Variants in PRPF6 observed in about 807,000 individuals in gnomAD.
PRPF6 encodes the protein pre-mRNA-processing factor 6.
PRPF6 carries 42 observed loss-of-function variants against 118.3 expected under a neutral mutation model. That is an observed-to-expected ratio of 0.35 (90% CI 0.28 to 0.46). The LOEUF (loss-of-function observed/expected upper bound fraction) is 0.46, where lower values mean the gene tolerates loss of function less well. Ranked by LOEUF, PRPF6 falls within the 20% of genes least tolerant of loss-of-function variation. The pLI is 1.00. For synonymous variants in PRPF6, 481 were observed against 485.1 expected, an observed-to-expected ratio of 0.99 and a Z score of 0.11; for missense variants, 662 against 1,255.7, an observed-to-expected ratio of 0.53 and a Z score of 7.15.
chr20:63,995,175 T>C (rs983724301), intron 5 of PRPF6, 83 bp downstream of exon 5: 41 of 1,601,854 alleles, frequency 2.6e-5, no homozygotes, highest in Middle Eastern at 3.3e-4. Flanking sequence ...TTGGATTCAA[T>C]GCTTCTGCAG....
chr20:63,993,226 ATGTGTGTGTGTGTGTGTG>A (rs61077852), intron 3 of PRPF6, among the ~76,000 whole-genome samples, 163 bp from the exon 4 acceptor site: 1 of 129,298 alleles, frequency 7.7e-6, no homozygotes, highest in Non-Finnish European at 1.6e-5. Flanking sequence ...AAAAAAAAAA[ATGTGTGTGTGTGTGTGTG>A]TGTGTGTGTG....
chr20:63,993,502 G>A lies in PRPF6; in HGVS notation c.438+17G>A, dbSNP rs1601512943. 1.3e-6 allele frequency: 2 copies of A among 1,598,634 alleles called. No individual in the cohort carries two copies. Among genetic ancestry groups the A allele is most frequent in the East Asian group, 4.5e-5 (2 of 44,716 alleles). On this transcript the variant is annotated intron_variant, in intron 4 of 20. Coordinates refer to ENST00000266079, the MANE Select transcript of PRPF6 (RefSeq NM_012469.4). Reference sequence around the variant, plus strand: ...GACCTCAAGGTGAGCCGATGAAGCGGTGAATGGTGTGCGGTTTCTAACGCT... The same window carrying A: ...GACCTCAAGGTGAGCCGATGAAGCGATGAATGGTGTGCGGTTTCTAACGCT...
rs1339967897 is a variant in PRPF6, at chr20:64,026,053, G to A, written c.2023G>A (p.Ala675Thr). ...LAKARSSAPT[A>T]RVFMKSVKLE... ...CAAGGCGCGGAGCAGTGCCCCCACC[G>A]CCCGGGTACGCAGTGGCAGGCAGGG... is the stretch of plus-strand genomic sequence containing the variant. Residue 675 changes from alanine to threonine, a missense_variant, in exon 15 of 21, where the codon GCC becomes ACC. Physicochemically the swap from Ala to Thr is moderately conservative, Grantham distance 58. Coordinates refer to ENST00000266079, the MANE Select transcript of PRPF6 (RefSeq NM_012469.4). This position sits in a 1 kb window ranked among gnomAD's most constrained non-coding sequence, Gnocchi z 4.4. 11 of 1,604,308 alleles carry A rather than the reference G, an allele frequency of 6.9e-6. No individual in the cohort carries two copies. The highest frequency in any genetic ancestry group is 2.2e-5 in the East Asian group (1 of 44,880).
intron 14 of PRPF6, among the ~76,000 whole-genome samples, 174 bp downstream of exon 14, chr20:64,024,867 G>C (rs2059281433): frequency 6.6e-6 from 1 of 152,148 alleles, no homozygotes; most frequent in African/African-American, 2.4e-5. Context: ...CCGAGAGCAG[G>C]AAAGCAGCCC....
At chr20:63,997,657 A>T (rs958046794) in intron 6 of PRPF6, among the ~76,000 whole-genome samples, 1 of 151,646 alleles carries the variant, frequency 6.6e-6, no homozygotes, top group African/African-American at 2.4e-5. Flanking sequence ...GGGTTTCATC[A>T]TGTTGGCCAG....
chr20:64,016,954 TAAA>T, intron 12 of PRPF6, 109 bp downstream of exon 12: 1 of 1,280,106 alleles, frequency 7.8e-7, no homozygotes, highest in Non-Finnish European at 1.1e-6. Flanking sequence ...TTTTTTTTTT[TAAA>T]TCTGAGACGG....
At chr20:63,999,308 C>T (rs376407111) in intron 7 of PRPF6, among the ~76,000 whole-genome samples, 169 bp downstream of exon 7, 21 of 152,316 alleles carry the variant, frequency 1.4e-4, no homozygotes, top group African/African-American at 4.3e-4. Context: ...CCATTCATTG[C>T]GTACACTCAA....
At chr20:64,020,544 G>A (rs2059257993) in intron 12 of PRPF6, among the ~76,000 whole-genome samples, 1 of 152,166 alleles carries the variant, frequency 6.6e-6, no homozygotes, top group Non-Finnish European at 1.5e-5. Context: ...CCAGTCAGAC[G>A]AACCCCCAGA....
At chr20:64,022,167 T>C (rs1034931875) in intron 12 of PRPF6, among the ~76,000 whole-genome samples, 3 of 152,256 alleles carry the variant, frequency 2.0e-5, no homozygotes, top group Non-Finnish European at 4.4e-5. Flanking sequence ...TCTTGTTTCT[T>C]GTCCTCATCC....
chr20:64,026,912 G>T lies in PRPF6; in HGVS notation c.2029-70G>T. The T allele has an allele frequency of 6.5e-7, 1 of 1,532,584 alleles. No individual in the cohort carries two copies. Among genetic ancestry groups the T allele is most frequent in the South Asian group, 1.1e-5 (1 of 88,970 alleles). 94.9% of individuals were successfully genotyped at this position (1,532,584 alleles called of 1,614,324 possible). The stretch of plus-strand genomic sequence containing the variant: ...ACAGTACTGCAGGTAACAGTGTTGA[G>T]GATGAGTGTACCATGAAGCACGTAC... On this transcript the variant is annotated intron_variant, in intron 15 of 20. Coordinates refer to ENST00000266079, the MANE Select transcript of PRPF6 (RefSeq NM_012469.4). This position sits in a 1 kb window ranked among gnomAD's most constrained non-coding sequence, Gnocchi z 4.4.
In PRPF6 at chr20:64,026,206, T is replaced by A; in HGVS notation, c.2028+148T>A. 6.9e-7 allele frequency: 1 copy of A among 1,448,210 alleles called. No homozygotes were observed. The highest frequency in any genetic ancestry group is 1.2e-5 in the South Asian group (1 of 83,210). 89.7% of individuals were successfully genotyped at this position (1,448,210 alleles called of 1,614,324 possible). ...CATCTTTGTGATGTGACTAAAACAT[T>A]CATGTGGCCGGGCGTGGTGGCCGGG... is the stretch of plus-strand genomic sequence containing the variant. On this transcript the variant is annotated intron_variant, in intron 15 of 20. Coordinates refer to ENST00000266079, the MANE Select transcript of PRPF6 (RefSeq NM_012469.4). The surrounding 1 kb of genome is among the most constrained non-coding windows in gnomAD (Gnocchi z 4.4).
intron 9 of PRPF6, among the ~76,000 whole-genome samples, chr20:64,002,339 C>G (rs1332411032): frequency 7.3e-5 from 9 of 123,802 alleles, no homozygotes; most frequent in African/African-American, 2.8e-4. Flanking sequence ...TGGCTTCTAT[C>G]CATTTTTTTT....
intron 1 of PRPF6, among the ~76,000 whole-genome samples, chr20:63,982,070 A>G (rs1415301966): frequency 6.6e-6 from 1 of 152,138 alleles, no homozygotes; most frequent in Non-Finnish European, 1.5e-5. Context: ...TGTGAGTGGA[A>G]TGTACAGCGA....
chr20:64,009,030 A>G (rs1004255647), intron 9 of PRPF6, among the ~76,000 whole-genome samples: 10 of 152,098 alleles, frequency 6.6e-5, no homozygotes, highest in African/African-American at 1.9e-4. Flanking sequence ...CATGCCTGTA[A>G]TCCCAGCACT....
Position 64,027,095 on chromosome 20 carries a change from G to T in PRPF6, c.2142G>T (p.Met714Ile). The T allele has an allele frequency of 6.2e-7, 1 of 1,614,128 alleles. No homozygotes were observed. The highest frequency in any genetic ancestry group is 8.5e-7 in the Non-Finnish European group (1 of 1,180,030). The change falls in exon 16 of 21, where the codon ATG (methionine) becomes ATT (isoleucine). Residue 714 changes from methionine to isoleucine, a missense_variant. Met to Ile is a conservative substitution (Grantham distance 10). This residue lies in a region of PRPF6 where 244 missense variants were observed against 383.7 expected (regional missense o/e 0.64). Transcript: ENST00000266079. This position sits in a 1 kb window ranked among gnomAD's most constrained non-coding sequence, Gnocchi z 6.5. The stretch of plus-strand genomic sequence containing the variant: ...AGGACTTCCCCAAGCTGTGGATGAT[G>T]AAGGGGCAGATCGAGGAGCAGAAGG... ...HYEDFPKLWM[M>I]KGQIEEQKEM...
intron 9 of PRPF6, among the ~76,000 whole-genome samples, chr20:64,002,397 A>G (rs539901994): frequency 6.8e-4 from 98 of 143,662 alleles, no homozygotes; most frequent in Non-Finnish European, 1.3e-3. Context: ...GTACAGGGGC[A>G]CGATCTTGGC....
In PRPF6 at chr20:64,028,571, T is replaced by G; in HGVS notation, c.2431+2T>G. 1 of 1,608,728 alleles carries G rather than the reference T, an allele frequency of 6.2e-7. No individual in the cohort carries two copies. The highest frequency in any genetic ancestry group is 8.5e-7 in the Non-Finnish European group (1 of 1,177,612). ...CGCTGCAGGAGTGCCCCAACTCCGG[T>G]AAGGGGGTGCCCCGACTCCGGTAAG... On this transcript the variant is annotated splice_donor_variant, in intron 18 of 20. Coordinates refer to ENST00000266079, the MANE Select transcript of PRPF6 (RefSeq NM_012469.4). LOFTEE classifies it high-confidence loss of function. This position sits in a 1 kb window ranked among gnomAD's most constrained non-coding sequence, Gnocchi z 6.5.
intron 3 of PRPF6, among the ~76,000 whole-genome samples, chr20:63,992,711 G>A (rs183434229): frequency 6.6e-6 from 1 of 151,638 alleles, no homozygotes; most frequent in East Asian, 2.0e-4. Flanking sequence ...GTGGATAATT[G>A]AATTAGTAGA....
At position 64,011,444 on chromosome 20, in the gene PRPF6, C is replaced by T. The variant is rs1244176735; in HGVS notation, c.1465C>T (p.Arg489Ter). The T allele has an allele frequency of 1.2e-6, 2 of 1,614,144 alleles. No homozygotes were observed. Among genetic ancestry groups the T allele is most frequent in the Non-Finnish European group, 1.7e-6 (2 of 1,180,040 alleles). Residue 489 changes from arginine to a stop codon, truncating the protein, a stop_gained, in exon 11 of 21, where the codon CGA becomes TGA. Coordinates refer to ENST00000266079, the MANE Select transcript of PRPF6 (RefSeq NM_012469.4). LOFTEE classifies it high-confidence loss of function. The surrounding 1 kb of genome is among the most constrained non-coding windows in gnomAD (Gnocchi z 6.7). ...GCAGATGGTGGAGAAGATCATCGAC[C>T]GAGCCATCACCTCGCTGCGGGCCAA... ...NTQMVEKIIDRAITSLRANGV... is the reference protein window; with the variant it reads ...NTQMVEKIID
Sources: allele counts gnomAD v4.1 joint callset (sites outside exome capture counted in the v4.1 genomes callset), GRCh38; gene constraint gnomAD v4.1.1; regional missense constraint gnomAD v4.1.1; non-coding constraint Gnocchi (gnomAD v3.1); transcripts MANE v1.5; gene names NCBI Gene and HGNC (gene_info 2026-07-23, HGNC 2026-07-21).